The following TULP4 variants were observed in gnomAD, a reference collection of about 807,000 sequenced individuals.
The protein encoded by TULP4 is TUB like protein 4, also known as tubby-related protein 4.
Under a neutral mutation model 129.0 loss-of-function variants are expected in TULP4, and 16 were observed. The observed-to-expected ratio is 0.12, with a 90% CI of 0.08 to 0.19. TULP4 has a LOEUF of 0.19. Ranked by LOEUF, TULP4 falls within the 10% of genes least tolerant of loss-of-function variation. TULP4 has a pLI of 1.00. For synonymous variants in TULP4, 998 were observed against 854.0 expected (o/e 1.17, Z -2.94); for missense variants, 1,842 against 2,059.1 (o/e 0.89, Z 2.04).
intron 1 of TULP4, among the ~76,000 whole-genome samples, chr6:158,353,694 T>G (rs1233988025): frequency 1.3e-5 from 2 of 152,244 alleles, no homozygotes; most frequent in Non-Finnish European, 2.9e-5. Flanking sequence ...AGTCTGAAAA[T>G]ACTGCATTGC....
chr6:158,355,240 G>A (rs573898536), intron 1 of TULP4, among the ~76,000 whole-genome samples: 6 of 151,972 alleles, frequency 3.9e-5, no homozygotes, highest in African/African-American at 1.5e-4. Flanking sequence ...ACTGTCCCAT[G>A]CCCAGGTAAT....
At chr6:158,391,201 G>A (rs998929041) in intron 1 of TULP4, among the ~76,000 whole-genome samples, 1 of 152,172 alleles carries the variant, frequency 6.6e-6, no homozygotes, top group African/African-American at 2.4e-5. Context: ...TGGGGGGCAG[G>A]TAAGGGATGG....
At chr6:158,260,006 T>C (rs1562497700) in intron 1 of TULP4, among the ~76,000 whole-genome samples, 1 of 152,162 alleles carries the variant, frequency 6.6e-6, no homozygotes, top group Non-Finnish European at 1.5e-5. Context: ...CGTATCAGGG[T>C]CTTATGACAT....
intron 1 of TULP4, among the ~76,000 whole-genome samples, chr6:158,349,477 GGTT>G (rs1291714683): frequency 3.1e-5 from 4 of 129,270 alleles, no homozygotes; most frequent in Non-Finnish European, 4.9e-5. Flanking sequence ...CTCCCAGATG[GGTT>G]GGCAGCTGGG....
At chr6:158,456,176 A>G (rs1010815365) in intron 5 of TULP4, among the ~76,000 whole-genome samples, 1 of 152,014 alleles carries the variant, frequency 6.6e-6, no homozygotes, top group East Asian at 1.9e-4. Flanking sequence ...GAGGGGTAGA[A>G]CTCTTACTGT....
intron 1 of TULP4, among the ~76,000 whole-genome samples, chr6:158,334,678 T>C (rs1156627071): frequency 6.6e-6 from 1 of 152,154 alleles, no homozygotes; most frequent in African/African-American, 2.4e-5. Flanking sequence ...CTACTCCCCT[T>C]TCAGTGTGTG....
intron 1 of TULP4, among the ~76,000 whole-genome samples, chr6:158,295,297 C>G (rs1012287532): frequency 2.6e-5 from 4 of 152,060 alleles, no homozygotes; most frequent in African/African-American, 9.7e-5. Context: ...AAAATAGCAT[C>G]TTTATGCTTT....
chr6:158,417,172 T>C (rs1778229062), intron 2 of TULP4, among the ~76,000 whole-genome samples: 1 of 152,202 alleles, frequency 6.6e-6, no homozygotes, highest in Non-Finnish European at 1.5e-5. Flanking sequence ...AGCCAAGCAG[T>C]GCCACCAGCA....
At chr6:158,421,330 C>T (rs1040360194) in intron 2 of TULP4, among the ~76,000 whole-genome samples, 1 of 151,486 alleles carries the variant, frequency 6.6e-6, no homozygotes, top group Non-Finnish European at 1.5e-5. Context: ...CCACTGCACT[C>T]CAGCCTGGGC....
At chr6:158,300,020 CTG>C (rs1210155489) in intron 1 of TULP4, among the ~76,000 whole-genome samples, 2 of 152,174 alleles carry the variant, frequency 1.3e-5, no homozygotes, top group Non-Finnish European at 2.9e-5. Flanking sequence ...AGAGGGGTCT[CTG>C]TTGCCATTAG....
At chr6:158,311,717 G>T (rs1304165313), upstream of TULP4, among the ~76,000 whole-genome samples, 1 of 152,148 alleles carries the variant, frequency 6.6e-6, no homozygotes, top group East Asian at 1.9e-4. Context: ...TCTCTGGAGG[G>T]GTAGAGTCTC....
upstream of TULP4, among the ~76,000 whole-genome samples, chr6:158,280,011 G>A (rs569270694): frequency 6.6e-6 from 1 of 152,308 alleles, no homozygotes; most frequent in Admixed American, 6.5e-5. Flanking sequence ...TAGACGTGAG[G>A]GTTTGACTTT....
At chr6:158,469,889 C>G (rs684833) in intron 6 of TULP4, among the ~76,000 whole-genome samples, 15,341 of 151,824 alleles carry the variant, frequency 0.1, 863 homozygotes, top group Non-Finnish European at 0.1. Flanking sequence ...GCTCCCAGAG[C>G]TCCCAAGATG....
At chr6:158,289,240 G>T (rs1190308523) in intron 1 of TULP4, among the ~76,000 whole-genome samples, 2 of 152,028 alleles carry the variant, frequency 1.3e-5, no homozygotes, top group African/African-American at 2.4e-5. Flanking sequence ...AAGTTTCATG[G>T]TGTCTGTAGT....
intron 1 of TULP4, among the ~76,000 whole-genome samples, chr6:158,243,831 G>T (rs1777972400): frequency 7.1e-6 from 1 of 140,562 alleles, no homozygotes; most frequent in Non-Finnish European, 1.5e-5. Context: ...CTGTCATTTA[G>T]TTATTAGCTG....
chr6:158,493,483 T>C lies in TULP4; in HGVS notation c.1632-90T>C. 7.5e-7 allele frequency: 1 copy of C among 1,332,942 alleles called. No homozygotes were observed. The highest frequency in any genetic ancestry group is 9.7e-7 in the Non-Finnish European group (1 of 1,028,270). The allele number at this position is 1,332,942 out of a possible 1,614,324, so 82.6% of individuals were successfully genotyped here. On this transcript the variant is annotated intron_variant, in intron 9 of 13. Transcript: ENST00000367097. This position sits in a 1 kb window ranked among gnomAD's most constrained non-coding sequence, Gnocchi z 4.4. ...GTGAGAACCCAACACCCAGGCTGGC[T>C]GTCCAGAAAAAGAAAGGACTGCTGG...
At chr6:158,306,418 C>T (rs569516044) in intron 1 of TULP4, among the ~76,000 whole-genome samples, 2 of 152,228 alleles carry the variant, frequency 1.3e-5, no homozygotes, top group South Asian at 4.1e-4. Context: ...GTTAGCCGGG[C>T]ATGGCGGCAT....
intron 1 of TULP4, among the ~76,000 whole-genome samples, chr6:158,356,483 G>A (rs9457363): frequency 0.17 from 26,338 of 152,104 alleles, 2,709 homozygotes; most frequent in Middle Eastern, 0.26. Context: ...TGAAATTGTG[G>A]TTGATTGCAG....
At chr6:158,282,737 A>G (rs1315279351) in intron 1 of TULP4, 1 of 152,146 alleles carries the variant, frequency 6.6e-6, no homozygotes. Flanking sequence ...TAAAGCAGGC[A>G]TCTGGATCTT....
Sources: gnomAD v4.1 joint callset for allele counts (sites outside exome capture counted in the v4.1 genomes callset) on GRCh38, gnomAD v4.1.1 for gene constraint, Gnocchi (gnomAD v3.1) non-coding constraint, MANE v1.5 for transcripts, NCBI Gene and HGNC (gene_info 2026-07-23, HGNC 2026-07-21) for gene names.